The following LRGUK variants were observed in gnomAD, a reference collection of about 807,000 sequenced individuals.
The protein encoded by LRGUK is leucine rich repeats and guanylate kinase domain containing, also known as leucine-rich repeat and guanylate kinase domain-containing protein.
A neutral mutation model predicts 76.0 loss-of-function variants in LRGUK; 65 were observed. The ratio of observed to expected loss-of-function variants is 0.85; its 90% CI spans 0.70 to 1.05. The LOEUF is 1.05. Among genes scored for constraint, LRGUK ranks in the 50% least tolerant of loss-of-function variants. The pLI is 0.00. For synonymous variants in LRGUK, 268 were observed against 265.6 expected, an observed-to-expected ratio of 1.01 and a Z score of -0.09; for missense variants, 758 against 732.8, an observed-to-expected ratio of 1.03 and a Z score of -0.40.
intron 15 of LRGUK, among the ~76,000 whole-genome samples, chr7:134,204,738 C>T (rs994281952): frequency 1.3e-5 from 2 of 152,160 alleles, no homozygotes; most frequent in African/African-American, 2.4e-5. Context: ...CTTATTAACA[C>T]ACATTTAATG....
chr7:134,246,072 C>G (rs1470432990), intron 16 of LRGUK, among the ~76,000 whole-genome samples: 1 of 152,162 alleles, frequency 6.6e-6, no homozygotes, highest in East Asian at 1.9e-4. Flanking sequence ...AGAGTGTGTT[C>G]AGTGAGCCCA....
chr7:134,274,608 A>G, the LRGUK span, among the ~76,000 whole-genome samples: 1 of 147,088 alleles, frequency 6.8e-6, no homozygotes. Flanking sequence ...TCTCTTTCTT[A>G]TATATCAAAT....
At chr7:134,275,418 G>C in the LRGUK span, among the ~76,000 whole-genome samples, 1 of 152,148 alleles carries the variant, frequency 6.6e-6, no homozygotes, top group Non-Finnish European at 1.5e-5. Context: ...TAATAGAAGA[G>C]TCTGCTTGAT....
intron 7 of LRGUK, among the ~76,000 whole-genome samples, chr7:134,165,236 G>A (rs1198030099): frequency 2.0e-5 from 3 of 152,146 alleles, no homozygotes; most frequent in African/African-American, 7.2e-5. Flanking sequence ...TTTATCTCAT[G>A]TAATCCTTAT....
intron 2 of LRGUK, among the ~76,000 whole-genome samples, chr7:134,137,908 G>A (rs1797603327): frequency 6.6e-6 from 1 of 151,984 alleles, no homozygotes. Context: ...TTGGCGAAAG[G>A]GTATGTAATT....
chr7:134,160,587 A>G (rs1798683751), intron 6 of LRGUK, among the ~76,000 whole-genome samples: 1 of 152,232 alleles, frequency 6.6e-6, no homozygotes, highest in African/African-American at 2.4e-5. Context: ...AATTCACCAT[A>G]TGAACCAACT....
Position 134,209,223 on chromosome 7 carries a change from CTCTG to C in LRGUK, c.2365_2368del (p.Ser789AsnfsTer56). On this transcript the variant is annotated frameshift_variant, in exon 16 of 16. Coordinates refer to ENST00000645682, the Ensembl canonical transcript of LRGUK. LOFTEE classifies it low-confidence loss of function (END_TRUNC). ...GCCCAGGTAACCCCTACTGGCCCTC[CTCTG>C]TCTGAACCTCTACAGGGACCTGGCC... is the stretch of plus-strand genomic sequence containing the variant. The C allele has an allele frequency of 2.5e-6, 1 of 399,160 alleles. No individual in the cohort carries two copies. The highest frequency in any genetic ancestry group is 4.4e-6 in the Non-Finnish European group (1 of 226,232). The allele number at this position is 399,160 out of a possible 1,614,324, so 24.7% of individuals were successfully genotyped here. A position where few individuals can be genotyped will look rare whatever the true frequency, so the allele number is the denominator to read the frequency against.
At chr7:134,222,826 A>G (rs1801635887) in intron 16 of LRGUK, among the ~76,000 whole-genome samples, 2 of 152,040 alleles carry the variant, frequency 1.3e-5, no homozygotes, top group South Asian at 4.2e-4. Flanking sequence ...AGGCTCTCCC[A>G]ACCTCAGGTG....
chr7:134,137,660 T>C (rs1366136185), intron 2 of LRGUK, among the ~76,000 whole-genome samples: 2 of 152,226 alleles, frequency 1.3e-5, no homozygotes, highest in African/African-American at 4.8e-5. Flanking sequence ...GTACTCATCA[T>C]AGAGTAGCAC....
chr7:134,213,626 A>G (rs955196539), downstream of LRGUK, among the ~76,000 whole-genome samples: 7 of 152,150 alleles, frequency 4.6e-5, no homozygotes, highest in Non-Finnish European at 1.0e-4. Flanking sequence ...CCATTAGGGT[A>G]CAAAAGGGAA....
At chr7:134,157,869 G>A (rs575094619) in intron 5 of LRGUK, among the ~76,000 whole-genome samples, 166 bp from the exon 6 acceptor site, 3 of 152,214 alleles carry the variant, frequency 2.0e-5, no homozygotes, top group East Asian at 1.9e-4. Flanking sequence ...GACATGTTCT[G>A]TATGAAAAAA....
chr7:134,192,224 T>C (rs915736866), intron 12 of LRGUK, among the ~76,000 whole-genome samples: 2 of 152,192 alleles, frequency 1.3e-5, no homozygotes, highest in African/African-American at 4.8e-5. Context: ...AAGCACCATT[T>C]CAGTATGGCG....
exon 16 of LRGUK, chr7:134,208,708 A>C (rs1009971784): frequency 1.0e-5 from 4 of 398,810 alleles, no homozygotes; most frequent in African/African-American, 8.2e-5. Flanking sequence ...TTAAAGCAGG[A>C]GCTCCCGCTA....
intron 4 of LRGUK, among the ~76,000 whole-genome samples, chr7:134,144,209 T>A (rs1797880910): frequency 6.6e-6 from 1 of 152,188 alleles, no homozygotes; most frequent in African/African-American, 2.4e-5. Flanking sequence ...CTTGTCTCAC[T>A]CTCACCGCAA....
In LRGUK at chr7:134,178,475, C is replaced by T. The variant is rs765264678; in HGVS notation, c.1108-28C>T. 4.5e-6 allele frequency: 7 copies of T among 1,540,754 alleles called. No individual in the cohort carries two copies. The East Asian group carries it at 1.4e-4, about 30-fold the overall frequency. On this transcript the variant is annotated intron_variant, in intron 9 of 15. Coordinates refer to ENST00000645682, the Ensembl canonical transcript of LRGUK. ...TCTTTTTAGAAACAAAACTTTTTTT[C>T]CCTTTTACATCTCTAATTCTGGAAA...
At chr7:134,214,775 AACACACACACAC>A (rs56096728), downstream of LRGUK, among the ~76,000 whole-genome samples, 1,665 of 146,848 alleles carry the variant, frequency 0.011, 80 homozygotes, top group East Asian at 0.15. Flanking sequence ...ATTAAATTTA[AACACACACACAC>A]ACACACACAC....
intron 15 of LRGUK, among the ~76,000 whole-genome samples, chr7:134,216,904 C>T (rs1197640086): frequency 6.6e-6 from 1 of 152,124 alleles, no homozygotes; most frequent in Non-Finnish European, 1.5e-5. Flanking sequence ...AAGCAAAGAT[C>T]ATGCTTAGGG....
At chr7:134,246,196 A>G (rs2117203136) in intron 16 of LRGUK, among the ~76,000 whole-genome samples, 1 of 152,304 alleles carries the variant, frequency 6.6e-6, no homozygotes, top group South Asian at 2.1e-4. Context: ...AAAAAATGGT[A>G]AACATTATTC....
intron 7 of LRGUK, among the ~76,000 whole-genome samples, chr7:134,170,198 G>A (rs557174270): frequency 2.4e-4 from 37 of 151,688 alleles, no homozygotes; most frequent in Admixed American, 1.1e-3. Flanking sequence ...TTTTATTATC[G>A]TTCTTCTGCT....
Sources: gnomAD v4.1 joint callset for allele counts (sites outside exome capture counted in the v4.1 genomes callset) on GRCh38, gnomAD v4.1.1 for gene constraint, MANE v1.5 for transcripts, NCBI Gene and HGNC (gene_info 2026-07-23, HGNC 2026-07-21) for gene names.